The following TSC22D1 variants were observed in gnomAD, a reference collection of about 807,000 sequenced individuals.
TSC22D1 encodes TSC22 domain family protein 1.
A neutral mutation model predicts 74.2 loss-of-function variants in TSC22D1; 9 were observed. The observed-to-expected ratio is 0.12, with a 90% CI of 0.07 to 0.21. The LOEUF (loss-of-function observed/expected upper bound fraction) is 0.21, where lower values mean the gene tolerates loss of function less well. Ranked by LOEUF, TSC22D1 falls within the 10% of genes least tolerant of loss-of-function variation. The pLI is 1.00. For missense variants in TSC22D1, 1,427 were observed against 1,304.7 expected (o/e 1.09, Z -1.44); for synonymous variants, 586 against 492.5 (o/e 1.19, Z -2.51).
chr13:44,559,623 C>A (rs1882903417), intron 1 of TSC22D1, among the ~76,000 whole-genome samples: 1 of 151,992 alleles, frequency 6.6e-6, no homozygotes, highest in African/African-American at 2.4e-5. Flanking sequence ...CTCCTGGGCC[C>A]AAGCAATTGT....
At chr13:44,455,971 G>A (rs1391954114) in intron 1 of TSC22D1, among the ~76,000 whole-genome samples, 2 of 152,162 alleles carry the variant, frequency 1.3e-5, no homozygotes, top group Non-Finnish European at 1.5e-5. Context: ...TTGATATGCA[G>A]TAAAGAACTC....
chr13:44,575,036 C>T lies in TSC22D1; in HGVS notation c.1039G>A (p.Ala347Thr). The T allele has an allele frequency of 6.2e-7, 1 of 1,614,152 alleles. No homozygotes were observed. The highest frequency in any genetic ancestry group is 8.5e-7 in the Non-Finnish European group (1 of 1,180,020). ...ACTCCAGGCCCAACACTCACACCAGCAGCACTAGGAATATTGCTTGTACTT... is the reference window on the plus strand; with the variant it reads ...ACTCCAGGCCCAACACTCACACCAGTAGCACTAGGAATATTGCTTGTACTT... ...NISTSNIPSAAGVSVGPGVTS... is the reference protein window; with the variant it reads ...NISTSNIPSATGVSVGPGVTS... Residue 347 changes from alanine to threonine, a missense_variant, in exon 1 of 3, where the codon GCT becomes ACT. Around this residue, in one of 3 missense-constraint regions of TSC22D1, gnomAD observed 1,343 missense variants for 1,191.5 expected, o/e 1.13. Coordinates refer to ENST00000458659, the MANE Select transcript of TSC22D1 (RefSeq NM_183422.4).
At chr13:44,456,193 G>A (rs892677646) in intron 1 of TSC22D1, among the ~76,000 whole-genome samples, 2 of 152,214 alleles carry the variant, frequency 1.3e-5, no homozygotes, top group African/African-American at 4.8e-5. Flanking sequence ...GTGAGCAGCA[G>A]CAAGATTTAT....
chr13:44,442,303 G>A (rs940345947), intron 1 of TSC22D1, among the ~76,000 whole-genome samples: 5 of 152,138 alleles, frequency 3.3e-5, no homozygotes, highest in Non-Finnish European at 5.9e-5. Flanking sequence ...AAAACAAGCA[G>A]GGAAATATCA....
chr13:44,434,157 C>T lies in TSC22D1; in HGVS notation c.*469G>A. 1 of 1,482,700 alleles carries T rather than the reference C, an allele frequency of 6.7e-7. No individual in the cohort carries two copies. Among genetic ancestry groups the T allele is most frequent in the East Asian group, 2.6e-5 (1 of 38,560 alleles). 91.8% of individuals were successfully genotyped at this position (1,482,700 alleles called of 1,614,324 possible). On this transcript the variant is annotated 3_prime_UTR_variant, in exon 3 of 3. Transcript: ENST00000458659. The stretch of plus-strand genomic sequence containing the variant: ...ATTTGTACAGTGAACTCTGTTCCCC[C>T]TCATTTTAGTCTTTTTACCCTCCTT...
chr13:44,434,920 G>T, intron 2 of TSC22D1, 37 bp from the exon 3 acceptor site: 1 of 1,536,794 alleles, frequency 6.5e-7, no homozygotes, highest in Non-Finnish European at 8.9e-7. Flanking sequence ...CTCATTATTT[G>T]GTATTTTCTG....
At chr13:44,511,515 T>C (rs1879713882) in intron 1 of TSC22D1, among the ~76,000 whole-genome samples, 2 of 152,166 alleles carry the variant, frequency 1.3e-5, no homozygotes. Context: ...GTTTTATTTA[T>C]CGCTAACATC....
At chr13:44,541,274 A>G (rs968351054) in intron 1 of TSC22D1, among the ~76,000 whole-genome samples, 1 of 152,226 alleles carries the variant, frequency 6.6e-6, no homozygotes, top group Non-Finnish European at 1.5e-5. Context: ...TGGTTATTCC[A>G]TTACCTAACA....
intron 1 of TSC22D1, among the ~76,000 whole-genome samples, chr13:44,572,943 A>T (rs1050530753): frequency 3.9e-5 from 6 of 152,310 alleles, no homozygotes; most frequent in Admixed American, 3.3e-4. Context: ...CACATGCTCA[A>T]CAACTATTCT....
intron 1 of TSC22D1, among the ~76,000 whole-genome samples, chr13:44,572,723 T>A (rs934270057): frequency 6.6e-6 from 1 of 152,134 alleles, no homozygotes; most frequent in African/African-American, 2.4e-5. Flanking sequence ...TTTCACAGAC[T>A]AAGATCAAAC....
intron 1 of TSC22D1, among the ~76,000 whole-genome samples, chr13:44,454,698 A>AC (rs1319047224): frequency 2.0e-5 from 3 of 152,148 alleles, no homozygotes; most frequent in African/African-American, 7.2e-5. Flanking sequence ...TATGTATATT[A>AC]CCTCATTTAA....
At chr13:44,477,075 G>A (rs1877952067) in intron 1 of TSC22D1, among the ~76,000 whole-genome samples, 1 of 152,092 alleles carries the variant, frequency 6.6e-6, no homozygotes, top group African/African-American at 2.4e-5. Context: ...CCACCTCCCA[G>A]GTTCAAATGA....
intron 1 of TSC22D1, among the ~76,000 whole-genome samples, chr13:44,535,649 A>C (rs1029988631): frequency 1.3e-5 from 2 of 151,954 alleles, no homozygotes; most frequent in African/African-American, 4.8e-5. Flanking sequence ...AACAAAAAAA[A>C]CCATTTGTTT....
intron 1 of TSC22D1, among the ~76,000 whole-genome samples, chr13:44,476,626 T>G (rs896466429): frequency 1.3e-5 from 2 of 152,208 alleles, no homozygotes; most frequent in African/African-American, 4.8e-5. Flanking sequence ...ATGATGGCTG[T>G]TTTCTATAGT....
At chr13:44,560,593 T>A (rs932743485) in intron 1 of TSC22D1, among the ~76,000 whole-genome samples, 7 of 152,216 alleles carry the variant, frequency 4.6e-5, no homozygotes, top group Non-Finnish European at 8.8e-5. Context: ...ATAACCTTGC[T>A]GCCCTAAAAG....
chr13:44,483,058 A>C (rs959940506), intron 1 of TSC22D1, among the ~76,000 whole-genome samples: 6 of 152,218 alleles, frequency 3.9e-5, no homozygotes, highest in Admixed American at 2.0e-4. Flanking sequence ...TACATTAAGA[A>C]ATTTTAAAAA....
At chr13:44,555,606 AAAATAAAT>A (rs200171817) in intron 1 of TSC22D1, among the ~76,000 whole-genome samples, 1 of 151,812 alleles carries the variant, frequency 6.6e-6, no homozygotes, top group Non-Finnish European at 1.5e-5. Flanking sequence ...ACCCTGTCTA[AAAATAAAT>A]AAATAAATAA....
intron 1 of TSC22D1, among the ~76,000 whole-genome samples, chr13:44,509,949 G>GCAAAAAAAAAAAAAAAAAAAAA (rs1555268695): frequency 6.9e-3 from 42 of 6,116 alleles, no homozygotes; most frequent in East Asian, 0.013. Context: ...TAGAAAATAA[G>GCAAAAAAAAAAAAAAAAAAAAA]CAAAAAAAAA....
chr13:44,499,861 C>T (rs914022020), intron 1 of TSC22D1, among the ~76,000 whole-genome samples: 1 of 151,768 alleles, frequency 6.6e-6, no homozygotes, highest in Admixed American at 6.6e-5. Flanking sequence ...CTGAGGCAGG[C>T]GGGTCACCTG....
Sources: allele counts gnomAD v4.1 joint callset (sites outside exome capture counted in the v4.1 genomes callset), GRCh38; gene constraint gnomAD v4.1.1; regional missense constraint gnomAD v4.1.1; transcripts MANE v1.5; gene names NCBI Gene and HGNC (gene_info 2026-07-23, HGNC 2026-07-21).